The following MAML3 variants were observed in gnomAD, a reference collection of about 807,000 sequenced individuals.
MAML3 encodes the protein mastermind like transcriptional coactivator 3, also known as mastermind-like protein 3.
A neutral mutation model predicts 101.9 loss-of-function variants in MAML3; 27 were observed. That is an observed-to-expected ratio of 0.27 (90% CI 0.20 to 0.37). The LOEUF (loss-of-function observed/expected upper bound fraction) is 0.37, where lower values mean the gene tolerates loss of function less well. MAML3 is among the 10% of genes least tolerant of loss of function. The pLI is 1.00. For missense variants in MAML3, 1,316 were observed against 1,444.9 expected (o/e 0.91, Z 1.45); for synonymous variants, 501 against 555.9 (o/e 0.90, Z 1.39).
intron 2 of MAML3, among the ~76,000 whole-genome samples, chr4:139,764,545 A>G (rs1729815458): frequency 6.6e-6 from 1 of 152,136 alleles, no homozygotes; most frequent in South Asian, 2.1e-4. Flanking sequence ...ATGTGGGGCT[A>G]ATAGAGATTA....
intron 1 of MAML3, among the ~76,000 whole-genome samples, chr4:140,021,535 G>A (rs558382689): frequency 4.6e-5 from 7 of 152,128 alleles, no homozygotes; most frequent in Admixed American, 6.5e-5. Flanking sequence ...TTAGATCTAC[G>A]TCTTGAAGCT....
chr4:139,774,593 G>A (rs563002561), intron 2 of MAML3, among the ~76,000 whole-genome samples: 10 of 152,156 alleles, frequency 6.6e-5, no homozygotes, highest in Non-Finnish European at 1.2e-4. Flanking sequence ...GTCTGAAAAG[G>A]ACTTAAACTC....
chr4:140,001,875 C>T (rs1417023614), intron 1 of MAML3, among the ~76,000 whole-genome samples: 1 of 151,994 alleles, frequency 6.6e-6, no homozygotes, highest in African/African-American at 2.4e-5. Context: ...GACTACTATG[C>T]TTTTTTCAAA....
intron 2 of MAML3, among the ~76,000 whole-genome samples, chr4:139,879,837 C>T (rs1211006096): frequency 6.6e-6 from 1 of 152,178 alleles, no homozygotes; most frequent in African/African-American, 2.4e-5. Context: ...ATATTCTCAT[C>T]CCCTAAAACC....
At chr4:139,793,682 G>T (rs1386917006) in intron 2 of MAML3, among the ~76,000 whole-genome samples, 1 of 152,198 alleles carries the variant, frequency 6.6e-6, no homozygotes, top group Non-Finnish European at 1.5e-5. Flanking sequence ...CACCTGAGTT[G>T]ATTTTCACTG....
At chr4:139,784,514 A>G (rs551788378) in intron 2 of MAML3, among the ~76,000 whole-genome samples, 2 of 152,276 alleles carry the variant, frequency 1.3e-5, no homozygotes, top group African/African-American at 4.8e-5. Flanking sequence ...CCACTTGCTA[A>G]AAATACTTCC....
chr4:139,923,436 G>A (rs189180701), intron 1 of MAML3, among the ~76,000 whole-genome samples: 1 of 152,288 alleles, frequency 6.6e-6, no homozygotes. Context: ...TTTGGTTCTT[G>A]TGTTCTCCTT....
intron 2 of MAML3, among the ~76,000 whole-genome samples, chr4:139,815,925 T>G (rs1462242179): frequency 6.6e-6 from 1 of 152,078 alleles, no homozygotes; most frequent in Non-Finnish European, 1.5e-5. Context: ...TTCTAACGCT[T>G]GAACCCTTGT....
At chr4:139,909,914 A>G (rs369267104) in intron 1 of MAML3, among the ~76,000 whole-genome samples, 1 of 151,932 alleles carries the variant, frequency 6.6e-6, no homozygotes, top group Admixed American at 6.6e-5. Context: ...CCTGAACAAT[A>G]TATAAGCACA....
At chr4:139,915,385 G>A (rs970432778) in intron 1 of MAML3, among the ~76,000 whole-genome samples, 12 of 152,196 alleles carry the variant, frequency 7.9e-5, no homozygotes, top group African/African-American at 2.9e-4. Context: ...AAAGGGAGAT[G>A]ACCAAGTCTA....
rs1727987435 is a variant in MAML3 at position 140,088,126 on chromosome 4, G to T, written c.468+64734C>A. On this transcript the variant is annotated intron_variant, in intron 1 of 4. Coordinates refer to ENST00000509479, the MANE Select transcript of MAML3 (RefSeq NM_018717.5). ...ACACCTGTAGTCCCAGCTACACAGG[G>T]AGGATCATTTGAGCCCAGGAGTTCG... Among the ~76,000 whole-genome samples, 3 of 152,080 alleles carry T rather than the reference G, an allele frequency of 2.0e-5. No individual in the cohort carries two copies. In the South Asian group the frequency reaches 6.2e-4, roughly 32 times the overall value.
intron 2 of MAML3, among the ~76,000 whole-genome samples, chr4:139,787,501 C>T (rs1444375646): frequency 6.6e-6 from 1 of 152,162 alleles, no homozygotes; most frequent in Non-Finnish European, 1.5e-5. Flanking sequence ...ATATAAATCC[C>T]AAGTCTCACT....
chr4:139,760,900 T>C (rs1037851875), intron 2 of MAML3, among the ~76,000 whole-genome samples: 17 of 152,332 alleles, frequency 1.1e-4, no homozygotes, highest in African/African-American at 4.1e-4. Context: ...TGAGGAATTG[T>C]TATATAGAAA....
rs150942462 is a variant in MAML3, at chr4:140,099,218, T to C, written c.468+53642A>G. 5.1e-3 allele frequency among the ~76,000 whole-genome samples: 735 copies of C among 144,900 alleles called. 6 individuals are homozygous for C. Among genetic ancestry groups the C allele is most frequent in the African/African-American group, 0.019 (709 of 38,316 alleles). Reference sequence around the variant, plus strand: ...AAGTGTTCATAAAACTCTGTTCACATTGGAAGTATATCACACACACACACA... The same window carrying C: ...AAGTGTTCATAAAACTCTGTTCACACTGGAAGTATATCACACACACACACA... On this transcript the variant is annotated intron_variant, in intron 1 of 4. Transcript: ENST00000509479.
In MAML3 at chr4:140,148,519, C is replaced by T. The variant is rs149401267; in HGVS notation, c.468+4341G>A. The stretch of plus-strand genomic sequence containing the variant: ...CTGTGTTGGGCAATGGAAAGCTTTC[C>T]GAAAGACAGTCTGTCCTGTTACCCA... On this transcript the variant is annotated intron_variant, in intron 1 of 4. Coordinates refer to ENST00000509479, the MANE Select transcript of MAML3 (RefSeq NM_018717.5). Among the ~76,000 whole-genome samples the T allele has an allele frequency of 2.7e-3, 418 of 152,276 alleles. 2 individuals are homozygous for T. The highest frequency in any genetic ancestry group is 0.014 in the Middle Eastern group (4 of 294).
chr4:139,719,631 G>C lies in MAML3; in HGVS notation c.3109C>G (p.Gln1037Glu), dbSNP rs1728146735. 1 of 1,612,122 alleles carries C rather than the reference G, an allele frequency of 6.2e-7. No homozygotes were observed. Among genetic ancestry groups the C allele is most frequent in the African/African-American group, 1.3e-5 (1 of 75,064 alleles). ...GGCCTCGCCTGGCTGGTGCCTTGCT[G>C]CCCCGGGAGCGATGGCATCATCTGC... ...GRQMMPSLPG[Q>E]QGTSQARPMV... The change falls in exon 5 of 5, where the codon CAG becomes GAG. Residue 1037 changes from glutamine (Q) to glutamate (E), a missense_variant. Gln to Glu is a conservative substitution (Grantham distance 29). Transcript: ENST00000509479.
At chr4:140,135,187 G>C (rs987461568) in intron 1 of MAML3, among the ~76,000 whole-genome samples, 3 of 152,254 alleles carry the variant, frequency 2.0e-5, no homozygotes, top group African/African-American at 7.2e-5. Context: ...TTAAAAAATA[G>C]ACCCATGCTC....
At chr4:140,152,827 C>A in intron 1 of MAML3, 33 bp downstream of exon 1, 1 of 1,588,848 alleles carries the variant, frequency 6.3e-7, no homozygotes, top group South Asian at 1.1e-5. Context: ...ACCCCCAACG[C>A]GCGCCGCAAG....
chr4:139,845,683 T>C (rs1731431029), intron 2 of MAML3, among the ~76,000 whole-genome samples: 1 of 152,196 alleles, frequency 6.6e-6, no homozygotes, highest in African/African-American at 2.4e-5. Context: ...CTTCATATGA[T>C]GTCATCTCTT....
Sources: allele counts gnomAD v4.1 joint callset (sites outside exome capture counted in the v4.1 genomes callset), GRCh38; gene constraint gnomAD v4.1.1; transcripts MANE v1.5; gene names NCBI Gene and HGNC (gene_info 2026-07-23, HGNC 2026-07-21).